The following MAPK8IP3 variants were observed in gnomAD, a reference collection of about 807,000 sequenced individuals.
MAPK8IP3 encodes the protein mitogen-activated protein kinase 8 interacting protein 3.
A neutral mutation model predicts 157.8 loss-of-function variants in MAPK8IP3; 49 were observed. That is an observed-to-expected ratio of 0.31 (90% confidence interval 0.25 to 0.39). The LOEUF is 0.39. Among genes scored for constraint, MAPK8IP3 ranks in the 10% least tolerant of loss-of-function variants. The pLI is 1.00. For missense variants in MAPK8IP3, 1,478 were observed against 1,889.4 expected (o/e 0.78, Z 4.04); for synonymous variants, 897 against 777.7 (o/e 1.15, Z -2.55).
In MAPK8IP3 at chr16:1,758,159, GGTGA is replaced by G. The variant is rs751963025; in HGVS notation, c.1228+3_1228+6del. The G allele has an allele frequency of 5.1e-5, 83 of 1,613,560 alleles. No individual in the cohort carries two copies. The highest frequency in any genetic ancestry group is 6.3e-5 in the Non-Finnish European group (74 of 1,179,848). On this transcript the variant is annotated splice_donor_variant and splice_donor_region_variant and intron_variant, in intron 9 of 31. Coordinates refer to ENST00000610761, the MANE Select transcript of MAPK8IP3 (RefSeq NM_001318852.2). LOFTEE classifies it high-confidence loss of function. Reference sequence around the variant, plus strand: ...GCTGGACTCGCCAGGGGAGTTCTCAGGTGAGTATCTCACTCTCCTGTCTGTCTCC... The same window carrying G: ...GCTGGACTCGCCAGGGGAGTTCTCAGGTATCTCACTCTCCTGTCTGTCTCC...
At chr16:1,737,735 C>G (rs1347426521) in intron 4 of MAPK8IP3, among the ~76,000 whole-genome samples, 1 of 57,314 alleles carries the variant, frequency 1.7e-5, no homozygotes, top group African/African-American at 1.2e-4. Flanking sequence ...TGTGAGCATC[C>G]GTGTGAGCGT....
rs568223986 is a variant in MAPK8IP3 at position 1,724,403 on chromosome 16, G to A, written c.319-154G>A. Among the ~76,000 whole-genome samples, 6 of 152,342 alleles carry A rather than the reference G, an allele frequency of 3.9e-5. No homozygotes were observed. Among genetic ancestry groups the A allele is most frequent in the Admixed American group, 6.5e-5 (1 of 15,312 alleles). On this transcript the variant is annotated intron_variant, in intron 1 of 31. Coordinates refer to ENST00000610761, the MANE Select transcript of MAPK8IP3 (RefSeq NM_001318852.2). This position sits in a 1 kb window ranked among gnomAD's most constrained non-coding sequence, Gnocchi z 4.1. The stretch of plus-strand genomic sequence containing the variant: ...AGGGTGGTGGCCACAGCCACGTGGC[G>A]GGAAGCCCCCATTCCGGCCTGGCCA...
chr16:1,731,403 G>A (rs1007860224), intron 4 of MAPK8IP3, among the ~76,000 whole-genome samples: 4 of 152,202 alleles, frequency 2.6e-5, no homozygotes, highest in African/African-American at 7.2e-5. Context: ...AGGGAGAAAC[G>A]GGAGTCCCTG....
chr16:1,737,879 CGT>C (rs1305175221), intron 4 of MAPK8IP3, among the ~76,000 whole-genome samples: 1 of 62,466 alleles, frequency 1.6e-5, no homozygotes, highest in Non-Finnish European at 2.9e-5. Flanking sequence ...TGTGACCGTC[CGT>C]GTGAGCATCC....
chr16:1,706,703 A>G lies in MAPK8IP3; in HGVS notation c.318+46A>G. The G allele has an allele frequency of 4.1e-6, 6 of 1,450,254 alleles. No homozygotes were observed. The highest frequency in any genetic ancestry group is 5.4e-6 in the Non-Finnish European group (6 of 1,105,536). The allele number at this position is 1,450,254 out of a possible 1,614,324, so 89.8% of individuals were successfully genotyped here. ...GCCCGCATCCCCGTCCCGGACCCCC[A>G]GCCAGCCCCGGGCCCCGGACCCAAC... On this transcript the variant is annotated intron_variant, in intron 1 of 31. Transcript: ENST00000610761. This position sits in a 1 kb window ranked among gnomAD's most constrained non-coding sequence, Gnocchi z 5.1.
intron 1 of MAPK8IP3, among the ~76,000 whole-genome samples, chr16:1,711,653 G>T (rs1232106813): frequency 6.6e-6 from 1 of 152,138 alleles, no homozygotes; most frequent in Non-Finnish European, 1.5e-5. Flanking sequence ...GAAAGTTGGG[G>T]TCCCAACGCT....
chr16:1,734,071 A>C (rs8044780), intron 4 of MAPK8IP3, among the ~76,000 whole-genome samples: 1 of 152,084 alleles, frequency 6.6e-6, no homozygotes, highest in Non-Finnish European at 1.5e-5. Flanking sequence ...CCAGGTTTAC[A>C]CCAAAGCCTT....
At chr16:1,752,445 A>G in intron 8 of MAPK8IP3, 1 of 351,114 alleles carries the variant, frequency 2.8e-6, no homozygotes, top group South Asian at 2.1e-5. Context: ...CGTAATGCGT[A>G]TAAGAAAGGC....
intron 1 of MAPK8IP3, among the ~76,000 whole-genome samples, chr16:1,719,114 T>C (rs922721844): frequency 7.9e-5 from 12 of 152,172 alleles, no homozygotes; most frequent in Non-Finnish European, 8.8e-5. Flanking sequence ...GCTGGGACTA[T>C]GGGCATGCAA....
At chr16:1,708,846 G>C (rs1190028208) in intron 1 of MAPK8IP3, among the ~76,000 whole-genome samples, 2 of 152,204 alleles carry the variant, frequency 1.3e-5, no homozygotes, top group Non-Finnish European at 2.9e-5. Context: ...AGGGCTCGAT[G>C]CTGTCAACAT....
chr16:1,713,819 G>A (rs941466741), intron 1 of MAPK8IP3: 6 of 152,140 alleles, frequency 3.9e-5, no homozygotes, highest in Non-Finnish European at 8.8e-5. Context: ...CAGTATCATT[G>A]ACATACACTG....
At chr16:1,739,250 ATGTGAGCATCTGTGTGACCGTCCG>A (rs1567172195) in intron 4 of MAPK8IP3, among the ~76,000 whole-genome samples, 1 of 91,786 alleles carries the variant, frequency 1.1e-5, no homozygotes, top group Admixed American at 1.3e-4. Context: ...GTGACCATCC[ATGTGAGCATCTGTGTGACCGTCCG>A]TGTGAGCATC....
In MAPK8IP3 at chr16:1,769,047, G is replaced by T; in HGVS notation, c.*223G>T. On this transcript the variant is annotated 3_prime_UTR_variant, in exon 32 of 32. Coordinates refer to ENST00000610761, the MANE Select transcript of MAPK8IP3 (RefSeq NM_001318852.2). Reference sequence around the variant, plus strand: ...TTCCACCCGAGGGGAAGATGCTCTCGGGACAGTTTCCCGGGCAGCTCCTGG... The same window carrying T: ...TTCCACCCGAGGGGAAGATGCTCTCTGGACAGTTTCCCGGGCAGCTCCTGG... 1.7e-6 allele frequency: 1 copy of T among 591,202 alleles called. No individual in the cohort carries two copies. The highest frequency in any genetic ancestry group is 3.0e-6 in the Non-Finnish European group (1 of 335,526). 36.6% of individuals were successfully genotyped at this position (591,202 alleles called of 1,614,324 possible).
intron 8 of MAPK8IP3, chr16:1,752,433 A>C (rs2041346252): frequency 3.1e-6 from 1 of 323,670 alleles, no homozygotes; most frequent in South Asian, 2.3e-5. Context: ...CAGAGCCTTA[A>C]ACGTAATGCG....
At chr16:1,721,128 A>C (rs2068613984) in intron 1 of MAPK8IP3, among the ~76,000 whole-genome samples, 1 of 151,930 alleles carries the variant, frequency 6.6e-6, no homozygotes, top group African/African-American at 2.4e-5. Flanking sequence ...ACCTAAGGTC[A>C]AGAGTTTGAG....
intron 8 of MAPK8IP3, among the ~76,000 whole-genome samples, chr16:1,749,490 G>C (rs559586473): frequency 6.6e-6 from 1 of 151,616 alleles, no homozygotes; most frequent in Admixed American, 6.6e-5. Context: ...TCACCTCAGC[G>C]CCACAGGTCT....
At chr16:1,732,401 C>G (rs1326255699) in intron 4 of MAPK8IP3, among the ~76,000 whole-genome samples, 1 of 152,258 alleles carries the variant, frequency 6.6e-6, no homozygotes, top group African/African-American at 2.4e-5. Context: ...ACGTCCAGCT[C>G]TGGGCTTCAT....
rs769712913 is a variant in MAPK8IP3, at chr16:1,763,756, C to T, written c.1998C>T (p.Gly666=). The T allele has an allele frequency of 6.4e-7, 1 of 1,573,976 alleles. No individual in the cohort carries two copies. Among genetic ancestry groups the T allele is most frequent in the East Asian group, 2.4e-5 (1 of 42,194 alleles). ...ACGACGGCCGTCTGCAGGCCTGCGG[C>T]TGGAGCCTGCCCGCCAAGTACAAGC... ...RNDDGRLQAC[G]WSLPAKYKQL... The change falls in exon 17 of 32, where the codon GGC becomes GGT. Residue 666 remains glycine (G), a synonymous_variant. Coordinates refer to ENST00000610761, the MANE Select transcript of MAPK8IP3 (RefSeq NM_001318852.2).
intron 4 of MAPK8IP3, among the ~76,000 whole-genome samples, chr16:1,734,426 C>T (rs1322718086): frequency 1.3e-5 from 2 of 152,224 alleles, no homozygotes; most frequent in Non-Finnish European, 2.9e-5. Context: ...TCGTGTGTCC[C>T]CTGCCTCCCC....
Sources: allele counts gnomAD v4.1 joint callset (sites outside exome capture counted in the v4.1 genomes callset), GRCh38; gene constraint gnomAD v4.1.1; non-coding constraint Gnocchi (gnomAD v3.1); transcripts MANE v1.5; gene names NCBI Gene and HGNC (gene_info 2026-07-23, HGNC 2026-07-21).